The following TENM1 variants were observed in gnomAD, a reference collection of about 807,000 sequenced individuals.
The protein encoded by TENM1 is teneurin transmembrane protein 1.
TENM1 carries 35 observed loss-of-function variants against 174.8 expected under a neutral mutation model. The observed-to-expected ratio is 0.20, with a 90% CI of 0.15 to 0.27. The LOEUF is 0.27. Ranked by LOEUF, TENM1 falls within the 10% of genes least tolerant of loss-of-function variation. The pLI is 1.00. For missense variants in TENM1, 1,633 were observed against 2,130.1 expected (o/e 0.77, Z 4.59); for synonymous variants, 781 against 798.7 (o/e 0.98, Z 0.37).
chrX:124,643,593 C>G (rs778747600), intron 10 of TENM1, among the ~76,000 whole-genome samples: 1 of 111,567 alleles, frequency 9.0e-6, no homozygotes, highest in East Asian at 2.8e-4. Context: ...GCAACAGCAG[C>G]AACACAGTGT....
At chrX:124,434,207 T>C (rs2064156) in intron 23 of TENM1, among the ~76,000 whole-genome samples, 37,664 of 110,314 alleles carry the variant, frequency 0.34, 5,227 homozygotes, top group East Asian at 0.87. Context: ...GAATAGCTCG[T>C]TGGGGCCCCC....
chrX:124,628,461 A>C (rs1269354986), intron 11 of TENM1, among the ~76,000 whole-genome samples: 1 of 111,389 alleles, frequency 9.0e-6, no homozygotes, highest in African/African-American at 3.2e-5. Context: ...ATTAATTTAA[A>C]TAATATATTT....
At chrX:125,128,136 TTTAG>T in the TENM1 span, among the ~76,000 whole-genome samples, 1 of 111,844 alleles carries the variant, frequency 8.9e-6, no homozygotes, top group Non-Finnish European at 1.9e-5. Context: ...CCCTTCTTTC[TTTAG>T]TAACTAAACA....
At chrX:124,838,537 A>G (rs1181435804) in intron 3 of TENM1, among the ~76,000 whole-genome samples, 1 of 111,641 alleles carries the variant, frequency 9.0e-6, no homozygotes, top group East Asian at 2.8e-4. Context: ...AGTCGATTAG[A>G]AAAATAAAAA....
intron 23 of TENM1, among the ~76,000 whole-genome samples, chrX:124,446,006 A>C (rs754535506): frequency 1.6e-4 from 18 of 112,682 alleles, no homozygotes; most frequent in African/African-American, 5.8e-4. Context: ...TTCAGATTTC[A>C]GTAAATCAAA....
chrX:125,056,245 T>C, the TENM1 span, among the ~76,000 whole-genome samples: 1 of 111,588 alleles, frequency 9.0e-6, no homozygotes, highest in African/African-American at 3.3e-5. Flanking sequence ...AAGCAAGGAA[T>C]TATTGAATGT....
the TENM1 span, among the ~76,000 whole-genome samples, chrX:124,970,941 G>C: frequency 9.1e-6 from 1 of 110,028 alleles, no homozygotes; most frequent in Admixed American, 9.7e-5. Flanking sequence ...ATATACCATG[G>C]AATACTATGC....
At chrX:124,482,885 A>G (rs2046875006) in intron 21 of TENM1, among the ~76,000 whole-genome samples, 1 of 112,094 alleles carries the variant, frequency 8.9e-6, no homozygotes, top group Non-Finnish European at 1.9e-5. Context: ...GACATCATCC[A>G]AACCCCAAAT....
chrX:124,663,758 T>G (rs1410749699), intron 6 of TENM1, among the ~76,000 whole-genome samples: 1 of 110,060 alleles, frequency 9.1e-6, no homozygotes, highest in Non-Finnish European at 1.9e-5. Context: ...TTAGTTTTTT[T>G]TTTTTTTTTT....
intron 3 of TENM1, among the ~76,000 whole-genome samples, chrX:124,859,390 A>G (rs1021997508): frequency 9.2e-6 from 1 of 108,421 alleles, no homozygotes; most frequent in Non-Finnish European, 1.9e-5. Context: ...TAAAAACTAC[A>G]AAAATTAGCC....
At chrX:124,461,921 C>A (rs2061178477) in intron 22 of TENM1, among the ~76,000 whole-genome samples, 1 of 111,463 alleles carries the variant, frequency 9.0e-6, no homozygotes, top group Non-Finnish European at 1.9e-5. Context: ...TGATGAATAT[C>A]CTAATTATAC....
intron 6 of TENM1, among the ~76,000 whole-genome samples, chrX:124,662,456 A>G (rs1035648257): frequency 3.8e-5 from 3 of 78,746 alleles, no homozygotes; most frequent in Admixed American, 2.5e-4. Flanking sequence ...TTCATCTCAG[A>G]AAAAAAAAAA....
chrX:125,155,007 G>C, the TENM1 span, among the ~76,000 whole-genome samples: 1 of 111,642 alleles, frequency 9.0e-6, no homozygotes, highest in African/African-American at 3.3e-5. Flanking sequence ...GGGGACCCAA[G>C]CGGGTTGCCA....
intron 23 of TENM1, among the ~76,000 whole-genome samples, chrX:124,426,090 G>A (rs1444324079): frequency 9.2e-6 from 1 of 108,323 alleles, no homozygotes; most frequent in Non-Finnish European, 1.9e-5. Flanking sequence ...CTGGAGACAT[G>A]CAGGCTAGCC....
At chrX:124,586,986 G>A (rs1321104690) in intron 11 of TENM1, among the ~76,000 whole-genome samples, 1 of 110,968 alleles carries the variant, frequency 9.0e-6, no homozygotes, top group African/African-American at 3.3e-5. Flanking sequence ...TACAAAGGAC[G>A]TGAAGGACCT....
At chrX:124,475,272 T>A (rs955462457) in intron 22 of TENM1, among the ~76,000 whole-genome samples, 1 of 111,570 alleles carries the variant, frequency 9.0e-6, no homozygotes, top group African/African-American at 3.3e-5. Context: ...CAGTCTCCCC[T>A]CCTATTCTAG....
At chrX:125,177,178 C>T in the TENM1 span, among the ~76,000 whole-genome samples, 167 of 112,031 alleles carry the variant, frequency 1.5e-3, 1 homozygote, top group African/African-American at 5.1e-3. Context: ...GCAAATAAGA[C>T]GAGAACAAAA....
chrX:124,859,794 C>T (rs1015043469), intron 3 of TENM1, among the ~76,000 whole-genome samples: 1 of 111,304 alleles, frequency 9.0e-6, no homozygotes, highest in Non-Finnish European at 1.9e-5. Flanking sequence ...TTATCATATC[C>T]AAGTTGGAAA....
intron 11 of TENM1, among the ~76,000 whole-genome samples, chrX:124,630,055 A>G (rs2050722770): frequency 8.9e-6 from 1 of 112,352 alleles, no homozygotes; most frequent in Non-Finnish European, 1.9e-5. Context: ...GGCATCTAAA[A>G]TCTCATCTAT....
Sources: gnomAD v4.1 joint callset for allele counts (sites outside exome capture counted in the v4.1 genomes callset) on GRCh38, gnomAD v4.1.1 for gene constraint, MANE v1.5 for transcripts, NCBI Gene and HGNC (gene_info 2026-07-23, HGNC 2026-07-21) for gene names.